The following ZFPM2 variants were observed in gnomAD, a reference collection of about 807,000 sequenced individuals.
ZFPM2 encodes zinc finger protein, FOG family member 2, also known as zinc finger protein ZFPM2.
ZFPM2 carries 20 observed loss-of-function variants against 98.6 expected under a neutral mutation model. The ratio of observed to expected loss-of-function variants is 0.20; its 90% confidence interval spans 0.14 to 0.29. The LOEUF (loss-of-function observed/expected upper bound fraction) is 0.29. Among genes scored for constraint, ZFPM2 ranks in the 10% least tolerant of loss-of-function variants. ZFPM2 has a pLI of 1.00. For missense variants in ZFPM2, 1,310 were observed against 1,388.6 expected (o/e 0.94, Z 0.90); for synonymous variants, 518 against 502.7 (o/e 1.03, Z -0.41).
intron 5 of ZFPM2, among the ~76,000 whole-genome samples, chr8:105,784,473 G>A (rs1462259184): frequency 6.9e-6 from 1 of 145,634 alleles, no homozygotes; most frequent in Non-Finnish European, 1.5e-5. Context: ...CTTTCCTCTT[G>A]GATTTAGCAG....
intron 1 of ZFPM2, among the ~76,000 whole-genome samples, chr8:105,356,137 T>C (rs1364191336): frequency 6.6e-6 from 1 of 152,246 alleles, no homozygotes; most frequent in Non-Finnish European, 1.5e-5. Context: ...TCAGAATTCC[T>C]CCTTTTCTTG....
chr8:105,339,630 C>T (rs1812390525), intron 1 of ZFPM2, among the ~76,000 whole-genome samples: 1 of 151,834 alleles, frequency 6.6e-6, no homozygotes, highest in Non-Finnish European at 1.5e-5. Flanking sequence ...AATTCGACTG[C>T]ATCTGCAAAC....
chr8:105,374,785 C>T lies in ZFPM2; in HGVS notation c.41-44359C>T, dbSNP rs75718183. ...AGCAGGGACATGATGTGGGAAACCA[C>T]TCAGAGTGGTAACAAGTTAACATCT... On this transcript the variant is annotated intron_variant, in intron 1 of 7. Coordinates refer to ENST00000407775, the MANE Select transcript of ZFPM2 (RefSeq NM_012082.4). 6.8e-4 allele frequency among the ~76,000 whole-genome samples: 104 copies of T among 152,254 alleles called. 2 individuals carry two copies. In the East Asian group the frequency reaches 0.016, roughly 23 times the overall value.
chr8:105,517,135 G>A (rs1160555625), intron 3 of ZFPM2, among the ~76,000 whole-genome samples: 1 of 152,156 alleles, frequency 6.6e-6, no homozygotes, highest in Non-Finnish European at 1.5e-5. Context: ...ATGGAATAGA[G>A]GACTTAAGCT....
intron 3 of ZFPM2, among the ~76,000 whole-genome samples, chr8:105,533,971 TCCTCCCTCCCTCCTTCCCTCCCTCTC>T (rs764710994): frequency 3.7e-4 from 6 of 16,396 alleles, no homozygotes; most frequent in Non-Finnish European, 4.1e-4. Flanking sequence ...TCCCTCCCTC[TCCTCCCTCCCTCCTTCCCTCCCTCTC>T]TCCTTCCTTC....
chr8:105,664,709 T>A (rs1311781080), intron 5 of ZFPM2, among the ~76,000 whole-genome samples: 1 of 152,210 alleles, frequency 6.6e-6, no homozygotes, highest in Non-Finnish European at 1.5e-5. Flanking sequence ...TGGAATTTTA[T>A]TTTTGGCATA....
intron 1 of ZFPM2, among the ~76,000 whole-genome samples, chr8:105,381,415 C>T (rs1014214755): frequency 1.3e-5 from 2 of 151,794 alleles, no homozygotes; most frequent in Non-Finnish European, 2.9e-5. Flanking sequence ...TTTAAGATAC[C>T]CAATCAGAGA....
chr8:105,659,071 G>C (rs2130882931), intron 5 of ZFPM2, among the ~76,000 whole-genome samples: 1 of 152,290 alleles, frequency 6.6e-6, no homozygotes, highest in Admixed American at 6.5e-5. Context: ...GACTTAATTA[G>C]AGAACTGTGA....
At chr8:105,334,871 C>G (rs1279668450) in intron 1 of ZFPM2, among the ~76,000 whole-genome samples, 1 of 151,586 alleles carries the variant, frequency 6.6e-6, no homozygotes, top group Non-Finnish European at 1.5e-5. Flanking sequence ...TGAAAGTCTT[C>G]CAAGCTATCT....
intron 2 of ZFPM2, among the ~76,000 whole-genome samples, chr8:105,431,445 T>A (rs1426909364): frequency 9.2e-5 from 14 of 152,308 alleles, no homozygotes; most frequent in Non-Finnish European, 1.9e-4. Context: ...ATTGAACACC[T>A]GCTATGTCAG....
At chr8:105,795,103 T>G (rs1813751195) in intron 6 of ZFPM2, among the ~76,000 whole-genome samples, 1 of 152,172 alleles carries the variant, frequency 6.6e-6, no homozygotes, top group Non-Finnish European at 1.5e-5. Context: ...CTGCGCCCAC[T>G]GTCTGGCACT....
At chr8:105,446,806 A>C (rs1812380382) in intron 3 of ZFPM2, among the ~76,000 whole-genome samples, 1 of 152,146 alleles carries the variant, frequency 6.6e-6, no homozygotes, top group Admixed American at 6.5e-5. Context: ...CATTTAGCCA[A>C]AAAAGGGGTT....
chr8:105,358,055 C>A (rs1282123079), intron 1 of ZFPM2, among the ~76,000 whole-genome samples: 2 of 152,166 alleles, frequency 1.3e-5, no homozygotes, highest in African/African-American at 4.8e-5. Context: ...TTTACTTTCA[C>A]TTCAACCAAC....
At chr8:105,575,543 C>G (rs1815448588) in intron 4 of ZFPM2, among the ~76,000 whole-genome samples, 1 of 152,148 alleles carries the variant, frequency 6.6e-6, no homozygotes, top group South Asian at 2.1e-4. Context: ...TCTGCTGCTT[C>G]TTGAAGATTT....
chr8:105,338,737 G>A (rs1307971253), intron 1 of ZFPM2, among the ~76,000 whole-genome samples: 1 of 151,792 alleles, frequency 6.6e-6, no homozygotes, highest in Non-Finnish European at 1.5e-5. Context: ...ATCATCCCAA[G>A]GGAAATGAAA....
chr8:105,785,618 TC>T, intron 5 of ZFPM2, among the ~76,000 whole-genome samples: 1 of 152,124 alleles, frequency 6.6e-6, no homozygotes. Context: ...AAGAAAGAAC[TC>T]CTGGCTGGAC....
intron 4 of ZFPM2, among the ~76,000 whole-genome samples, chr8:105,627,418 C>CT (rs113100875): frequency 9.9e-4 from 150 of 151,914 alleles, no homozygotes; most frequent in African/African-American, 3.1e-3. Context: ...CACAAGATTT[C>CT]TTTTTTTTAA....
chr8:105,586,149 G>A (rs1815709808), intron 4 of ZFPM2, among the ~76,000 whole-genome samples: 1 of 152,062 alleles, frequency 6.6e-6, no homozygotes, highest in Non-Finnish European at 1.5e-5. Flanking sequence ...TTGTTGAGTT[G>A]TCCAGTAAGA....
intron 1 of ZFPM2, among the ~76,000 whole-genome samples, chr8:105,415,192 A>C (rs1811657202): frequency 1.3e-5 from 2 of 152,122 alleles, no homozygotes; most frequent in African/African-American, 4.8e-5. Flanking sequence ...AGTATAGAAT[A>C]TGAGAAGATG....
Sources: allele counts gnomAD v4.1 joint callset (sites outside exome capture counted in the v4.1 genomes callset), GRCh38; gene constraint gnomAD v4.1.1; transcripts MANE v1.5; gene names NCBI Gene and HGNC (gene_info 2026-07-23, HGNC 2026-07-21).